The following RNLS variants were observed in gnomAD, a reference collection of about 807,000 sequenced individuals.
RNLS encodes renalase, FAD dependent amine oxidase, also known as renalase.
A neutral mutation model predicts 39.8 loss-of-function variants in RNLS; 39 were observed. That is an observed-to-expected ratio of 0.98 (90% CI 0.76 to 1.28). The LOEUF (loss-of-function observed/expected upper bound fraction) is 1.28. Among genes scored for constraint, RNLS ranks in the 50% most tolerant of loss-of-function variants. RNLS has a pLI of 0.00. For missense variants in RNLS, 410 were observed against 413.3 expected, an observed-to-expected ratio of 0.99 and a Z score of 0.07; for synonymous variants, 147 against 150.7, an observed-to-expected ratio of 0.98 and a Z score of 0.18.
At chr10:88,230,267 C>T in the RNLS span, among the ~76,000 whole-genome samples, 3 of 152,164 alleles carry the variant, frequency 2.0e-5, no homozygotes, top group Non-Finnish European at 2.9e-5. Flanking sequence ...AACAAAGTAA[C>T]AGACCTGCTG....
At chr10:88,484,099 C>T (rs1007014463) in intron 4 of RNLS, among the ~76,000 whole-genome samples, 10 of 151,936 alleles carry the variant, frequency 6.6e-5, no homozygotes, top group African/African-American at 2.4e-4. Flanking sequence ...AAGTCTTTGA[C>T]AAGATGAAAT....
At chr10:88,478,067 G>A (rs530247594) in intron 4 of RNLS, among the ~76,000 whole-genome samples, 2 of 152,298 alleles carry the variant, frequency 1.3e-5, no homozygotes, top group Admixed American at 6.5e-5. Context: ...TAAAACTTAA[G>A]ATTAGCTGTC....
chr10:88,511,333 A>G (rs2134155533), intron 4 of RNLS, among the ~76,000 whole-genome samples: 1 of 152,260 alleles, frequency 6.6e-6, no homozygotes, highest in East Asian at 1.9e-4. Flanking sequence ...TAATGGCATG[A>G]CTTTTGGCCT....
chr10:88,543,799 T>C (rs573759923), intron 4 of RNLS, among the ~76,000 whole-genome samples: 1 of 152,222 alleles, frequency 6.6e-6, no homozygotes, highest in East Asian at 1.9e-4. Flanking sequence ...TAAAAACCAG[T>C]TTGTAAAATA....
chr10:88,583,004 G>T, intron 1 of RNLS, 69 bp downstream of exon 1: 1 of 1,549,464 alleles, frequency 6.5e-7, no homozygotes, highest in Non-Finnish European at 8.8e-7. Context: ...CTTGGGTGCA[G>T]GCCCACACCA....
chr10:88,501,059 A>T (rs1407653029), intron 4 of RNLS, among the ~76,000 whole-genome samples: 1 of 151,882 alleles, frequency 6.6e-6, no homozygotes, highest in Non-Finnish European at 1.5e-5. Context: ...ACTAAACACC[A>T]TACCTAATTC....
At chr10:88,356,616 T>C (rs1849210681) in intron 5 of RNLS, among the ~76,000 whole-genome samples, 1 of 152,256 alleles carries the variant, frequency 6.6e-6, no homozygotes, top group African/African-American at 2.4e-5. Flanking sequence ...ATTATATTAG[T>C]GTTTGTTACT....
At chr10:88,556,343 G>A (rs1256433966) in intron 4 of RNLS, among the ~76,000 whole-genome samples, 1 of 152,136 alleles carries the variant, frequency 6.6e-6, no homozygotes, top group Non-Finnish European at 1.5e-5. Flanking sequence ...ACTGCTCAAT[G>A]TACCACCAGT....
intron 4 of RNLS, among the ~76,000 whole-genome samples, chr10:88,366,802 T>C (rs1412744466): frequency 1.3e-5 from 2 of 151,072 alleles, no homozygotes; most frequent in African/African-American, 2.4e-5. Context: ...TTTAGTAACC[T>C]GATGTTAACC....
chr10:88,301,427 T>C (rs1016268479), intron 6 of RNLS, among the ~76,000 whole-genome samples: 6 of 152,154 alleles, frequency 3.9e-5, no homozygotes, highest in African/African-American at 1.4e-4. Flanking sequence ...TGTTGATAAA[T>C]TGGGTCATAC....
At chr10:88,507,884 CTAA>C (rs1366949929) in intron 4 of RNLS, among the ~76,000 whole-genome samples, 2 of 152,108 alleles carry the variant, frequency 1.3e-5, no homozygotes, top group Admixed American at 6.6e-5. Flanking sequence ...ACATGTAAAT[CTAA>C]TGTCTCTACA....
chr10:88,522,449 T>C (rs1217067072), intron 4 of RNLS, among the ~76,000 whole-genome samples: 1 of 152,078 alleles, frequency 6.6e-6, no homozygotes, highest in African/African-American at 2.4e-5. Context: ...TTAGCAGGCC[T>C]GGTATTGAGT....
intron 4 of RNLS, among the ~76,000 whole-genome samples, chr10:88,399,420 C>T (rs973637290): frequency 6.6e-6 from 1 of 151,900 alleles, no homozygotes; most frequent in Middle Eastern, 3.2e-3. Context: ...TAAACAATTA[C>T]GGTATATCCA....
chr10:88,327,183 G>A (rs893103616), intron 5 of RNLS, among the ~76,000 whole-genome samples: 1 of 152,136 alleles, frequency 6.6e-6, no homozygotes, highest in African/African-American at 2.4e-5. Context: ...TAGGACTTTG[G>A]CAGACTGTTG....
chr10:88,451,287 G>C (rs1842346195), intron 4 of RNLS, among the ~76,000 whole-genome samples: 1 of 152,202 alleles, frequency 6.6e-6, no homozygotes, highest in African/African-American at 2.4e-5. Flanking sequence ...GACTGAGATA[G>C]AGGGAGTTTT....
rs773727877 is a variant in RNLS at position 88,582,260 on chromosome 10, C to G, written c.166G>C (p.Ala56Pro). ...GTGATGTACTGAGCACCCAAGTCAG[C>G]TGTGCACTGAGGATTATGAGGACTG... The part of the protein sequence containing the change: ...ACSPHNPQCT[A>P]DLGAQYITCT... The change falls in exon 2 of 7, where the codon GCT becomes CCT. Residue 56 changes from alanine to proline, a missense_variant. Physicochemically the swap from Ala to Pro is conservative, Grantham distance 27. Transcript: ENST00000331772. 6.2e-7 allele frequency: 1 copy of G among 1,614,094 alleles called. No homozygotes were observed. Among genetic ancestry groups the G allele is most frequent in the Non-Finnish European group, 8.5e-7 (1 of 1,179,988 alleles).
At chr10:88,475,225 C>T (rs940042632) in intron 4 of RNLS, among the ~76,000 whole-genome samples, 9 of 152,146 alleles carry the variant, frequency 5.9e-5, no homozygotes, top group African/African-American at 2.2e-4. Context: ...GGATTTTCAC[C>T]TGCTCCACAC....
chr10:88,401,754 A>C (rs1271749089), intron 4 of RNLS, among the ~76,000 whole-genome samples: 1 of 152,060 alleles, frequency 6.6e-6, no homozygotes, highest in Non-Finnish European at 1.5e-5. Context: ...AGCAAAATCA[A>C]AGGCCCGCAG....
chr10:88,177,945 C>T, the RNLS span, among the ~76,000 whole-genome samples: 1 of 152,178 alleles, frequency 6.6e-6, no homozygotes, highest in East Asian at 1.9e-4. Flanking sequence ...TTAGGTAGCA[C>T]ATGTGGGCAT....
Sources: allele counts gnomAD v4.1 joint callset (sites outside exome capture counted in the v4.1 genomes callset), GRCh38; gene constraint gnomAD v4.1.1; transcripts MANE v1.5; gene names NCBI Gene and HGNC (gene_info 2026-07-23, HGNC 2026-07-21).